The following DLG2 variants were observed in gnomAD, a reference collection of about 807,000 sequenced individuals.
DLG2 encodes the protein discs large MAGUK scaffold protein 2, also known as disks large homolog 2.
In DLG2, 45 loss-of-function variants were observed where a neutral mutation model predicts 132.5. That is an observed-to-expected ratio of 0.34 (90% CI 0.27 to 0.44). The LOEUF (loss-of-function observed/expected upper bound fraction) is 0.44. DLG2 is among the 20% of genes least tolerant of loss of function. The probability of loss-of-function intolerance (pLI) is 1.00; values close to 1 mark genes in which losing one functional copy is unlikely to be tolerated. For missense variants in DLG2, 1,045 were observed against 1,196.9 expected (o/e 0.87, Z 1.87); for synonymous variants, 424 against 419.6 (o/e 1.01, Z -0.13).
At chr11:84,681,095 T>C (rs1450806229) in intron 6 of DLG2, among the ~76,000 whole-genome samples, 2 of 152,208 alleles carry the variant, frequency 1.3e-5, no homozygotes, top group Non-Finnish European at 2.9e-5. Flanking sequence ...AATGAGTTCT[T>C]TTCTATTTAT....
intron 6 of DLG2, among the ~76,000 whole-genome samples, chr11:84,725,533 G>T (rs986902346): frequency 6.6e-6 from 1 of 152,126 alleles, no homozygotes; most frequent in South Asian, 2.1e-4. Context: ...GGATATGAAT[G>T]TCTTTCTGCC....
intron 3 of DLG2, 74 bp from the exon 4 acceptor site, chr11:85,285,439 T>C (rs1213747673): frequency 2.2e-5 from 30 of 1,372,640 alleles, no homozygotes; most frequent in Non-Finnish European, 2.9e-5. Flanking sequence ...TATATGTCCA[T>C]ATATAGACAT....
intron 3 of DLG2, among the ~76,000 whole-genome samples, chr11:85,334,732 T>C (rs556622085): frequency 6.6e-6 from 1 of 152,306 alleles, no homozygotes; most frequent in African/African-American, 2.4e-5. Context: ...AATTGTATTG[T>C]TTTGAGATAT....
chr11:84,538,775 C>A (rs923477051), intron 6 of DLG2, among the ~76,000 whole-genome samples: 2 of 152,050 alleles, frequency 1.3e-5, no homozygotes, highest in Non-Finnish European at 2.9e-5. Context: ...GGGAGTCATC[C>A]AAGAGACCGT....
At chr11:84,788,942 C>T (rs889072088) in intron 6 of DLG2, among the ~76,000 whole-genome samples, 3 of 152,094 alleles carry the variant, frequency 2.0e-5, no homozygotes, top group Admixed American at 6.5e-5. Flanking sequence ...TCACTAAGAC[C>T]AGAACAGAAG....
intron 18 of DLG2, among the ~76,000 whole-genome samples, chr11:83,642,098 C>T (rs2066737585): frequency 6.6e-6 from 1 of 152,156 alleles, no homozygotes; most frequent in Admixed American, 6.5e-5. Flanking sequence ...TTCTTTGCTA[C>T]TGACCATTAA....
At chr11:83,792,051 T>C (rs1336956413) in intron 17 of DLG2, among the ~76,000 whole-genome samples, 1 of 152,246 alleles carries the variant, frequency 6.6e-6, no homozygotes, top group Admixed American at 6.5e-5. Context: ...ATCTTGGACA[T>C]CTTTCATTAT....
At chr11:83,854,132 G>A (rs1345352844) in intron 16 of DLG2, among the ~76,000 whole-genome samples, 1 of 151,994 alleles carries the variant, frequency 6.6e-6, no homozygotes, top group Non-Finnish European at 1.5e-5. Context: ...ATTTATATTA[G>A]CACCCCTGAA....
At chr11:84,561,374 A>G (rs2099428462) in intron 6 of DLG2, among the ~76,000 whole-genome samples, 1 of 152,054 alleles carries the variant, frequency 6.6e-6, no homozygotes, top group African/African-American at 2.4e-5. Context: ...CTCAGATTAA[A>G]TGTTACCTCT....
intron 3 of DLG2, among the ~76,000 whole-genome samples, chr11:85,487,991 C>T (rs2093469142): frequency 6.6e-6 from 1 of 152,170 alleles, no homozygotes; most frequent in South Asian, 2.1e-4. Context: ...GGTGGTTTCC[C>T]CATACTGCTC....
At chr11:85,554,492 T>C (rs543386050) in intron 3 of DLG2, among the ~76,000 whole-genome samples, 70 of 151,980 alleles carry the variant, frequency 4.6e-4, no homozygotes, top group African/African-American at 1.7e-3. Flanking sequence ...GATTCTAACA[T>C]CACAAGCTGG....
At chr11:85,245,931 T>A (rs2076113933) in intron 4 of DLG2, among the ~76,000 whole-genome samples, 1 of 151,982 alleles carries the variant, frequency 6.6e-6, no homozygotes, top group Non-Finnish European at 1.5e-5. Context: ...AGGTAATTCC[T>A]TCACCTCTTT....
chr11:84,199,285 T>C (rs1004394258), intron 8 of DLG2, among the ~76,000 whole-genome samples: 1 of 152,144 alleles, frequency 6.6e-6, no homozygotes, highest in African/African-American at 2.4e-5. Flanking sequence ...CTGCTTAAAG[T>C]TGAGGCTCAA....
At chr11:85,145,277 G>A (rs1021129008) in intron 5 of DLG2, among the ~76,000 whole-genome samples, 2 of 151,906 alleles carry the variant, frequency 1.3e-5, no homozygotes, top group African/African-American at 4.8e-5. Context: ...TAGCCTTTGG[G>A]AATTTGATTA....
intron 3 of DLG2, among the ~76,000 whole-genome samples, chr11:85,356,368 T>C (rs563211942): frequency 2.0e-5 from 3 of 148,176 alleles, no homozygotes; most frequent in African/African-American, 4.9e-5. Context: ...GAATTTGTCC[T>C]TTTTTTTTTA....
At chr11:84,182,139 TC>T (rs1566843718) in intron 8 of DLG2, among the ~76,000 whole-genome samples, 4 of 152,102 alleles carry the variant, frequency 2.6e-5, no homozygotes, top group Non-Finnish European at 5.9e-5. Flanking sequence ...ATAAAACAAA[TC>T]TTAACAAGTT....
chr11:84,880,578 A>C (rs1399521970), intron 6 of DLG2, among the ~76,000 whole-genome samples: 3 of 152,180 alleles, frequency 2.0e-5, no homozygotes, highest in Non-Finnish European at 4.4e-5. Flanking sequence ...GCTACAGATG[A>C]TGAAGATTCT....
chr11:84,501,502 G>A (rs1353282176), intron 7 of DLG2, among the ~76,000 whole-genome samples: 7 of 152,122 alleles, frequency 4.6e-5, no homozygotes, highest in Non-Finnish European at 1.0e-4. Context: ...GAAGATGGAC[G>A]GTGGAGTGAG....
intron 10 of DLG2, among the ~76,000 whole-genome samples, chr11:84,079,328 G>A (rs1220591262): frequency 1.3e-5 from 2 of 150,040 alleles, no homozygotes; most frequent in African/African-American, 2.5e-5. Flanking sequence ...CTGTCACCCA[G>A]GCTGGAGTGC....
Sources: gnomAD v4.1 joint callset for allele counts (sites outside exome capture counted in the v4.1 genomes callset) on GRCh38, gnomAD v4.1.1 for gene constraint, MANE v1.5 for transcripts, NCBI Gene and HGNC (gene_info 2026-07-23, HGNC 2026-07-21) for gene names.